Variants in GSN observed in about 807,000 individuals in gnomAD.
GSN encodes actin-depolymerizing factor.
A neutral mutation model predicts 85.7 loss-of-function variants in GSN; 56 were observed. The ratio of observed to expected loss-of-function variants is 0.65; its 90% CI spans 0.53 to 0.82. GSN has a LOEUF of 0.82. GSN is among the 40% of genes least tolerant of loss of function. The pLI, the probability that GSN is intolerant of heterozygous loss-of-function variation, is 0.00. For missense variants in GSN, 857 were observed against 979.8 expected (o/e 0.87, Z 1.67); for synonymous variants, 373 against 399.1 (o/e 0.93, Z 0.78).
chr9:121,281,566 G>C lies in GSN; in HGVS notation c.-10+4G>C. ...TCACCCTGCACAGCCTTGTTAGGTA[G>C]GTAGAGCAATACAGACACCTGTCGT... On this transcript the variant is annotated splice_donor_region_variant and intron_variant, in intron 2 of 17. Coordinates refer to ENST00000432226, the MANE Select transcript of GSN (RefSeq NM_198252.3). 1 of 465,694 alleles carries C rather than the reference G, an allele frequency of 2.1e-6. No individual in the cohort carries two copies. The highest frequency in any genetic ancestry group is 1.6e-5 in the South Asian group (1 of 63,624). The allele number at this position is 465,694 out of a possible 1,614,324, so 28.8% of individuals were successfully genotyped here. A position where few individuals can be genotyped will look rare whatever the true frequency, so the allele number is the denominator to read the frequency against.
intron 1 of GSN, among the ~76,000 whole-genome samples, chr9:121,273,229 G>T (rs555496270): frequency 1.0e-3 from 153 of 152,284 alleles, no homozygotes; most frequent in African/African-American, 3.5e-3. Context: ...AAACAGTCCT[G>T]TTATTTTCCA....
intron 5 of GSN, among the ~76,000 whole-genome samples, chr9:121,233,728 T>C (rs1331287580): frequency 6.6e-6 from 1 of 152,154 alleles, no homozygotes; most frequent in East Asian, 1.9e-4. Flanking sequence ...TTTGGAGTGG[T>C]TTGTTGTACA....
At chr9:121,254,823 C>T (rs1355808443) in intron 6 of GSN, among the ~76,000 whole-genome samples, 1 of 152,184 alleles carries the variant, frequency 6.6e-6, no homozygotes, top group Non-Finnish European at 1.5e-5. Context: ...TCTCCTTTTG[C>T]CCTGCCTGCC....
At chr9:121,245,066 G>A (rs1410179206) in intron 5 of GSN, among the ~76,000 whole-genome samples, 1 of 152,078 alleles carries the variant, frequency 6.6e-6, no homozygotes, top group Admixed American at 6.6e-5. Flanking sequence ...TAAAAATAAT[G>A]TTAAATTAAA....
chr9:121,307,295 A>C (rs1327099569), intron 4 of GSN, among the ~76,000 whole-genome samples: 2 of 152,246 alleles, frequency 1.3e-5, no homozygotes, highest in East Asian at 3.8e-4. Context: ...TTAATAACAA[A>C]AATGAAAGGC....
At chr9:121,217,457 C>T (rs1255031605) in intron 4 of GSN, among the ~76,000 whole-genome samples, 3 of 151,962 alleles carry the variant, frequency 2.0e-5, no homozygotes, top group Non-Finnish European at 2.9e-5. Flanking sequence ...GTTTGTTGTA[C>T]AGATTATTTT....
chr9:121,295,848 G>A (rs565102120), intron 2 of GSN, among the ~76,000 whole-genome samples: 12 of 152,368 alleles, frequency 7.9e-5, no homozygotes, highest in African/African-American at 2.6e-4. Context: ...CAGAAGCAGA[G>A]ACCAGGACAT....
intron 4 of GSN, among the ~76,000 whole-genome samples, chr9:121,228,197 C>T (rs533401033): frequency 6.6e-6 from 1 of 151,956 alleles, no homozygotes; most frequent in Admixed American, 6.5e-5. Flanking sequence ...TGCCTTCCTC[C>T]TCCTTCTGTC....
At chr9:121,286,952 TATC>T (rs1166439984) in intron 2 of GSN, among the ~76,000 whole-genome samples, 2 of 152,154 alleles carry the variant, frequency 1.3e-5, no homozygotes, top group Non-Finnish European at 2.9e-5. Flanking sequence ...ATAAAGTACT[TATC>T]ATCACAATGG....
At chr9:121,254,692 G>A (rs1413704239) in intron 6 of GSN, among the ~76,000 whole-genome samples, 4 of 152,078 alleles carry the variant, frequency 2.6e-5, no homozygotes, top group Admixed American at 1.3e-4. Context: ...ATGAGCACAC[G>A]TAGCAATATG....
At chr9:121,330,559 A>G (rs1206909271) in intron 16 of GSN, among the ~76,000 whole-genome samples, 1 of 152,216 alleles carries the variant, frequency 6.6e-6, no homozygotes, top group African/African-American at 2.4e-5. Context: ...TGGGTGACAG[A>G]GTGAGACTCC....
In GSN at chr9:121,299,503, A is replaced by G. The variant is rs73660433; in HGVS notation, c.-9-2460A>G. On this transcript the variant is annotated intron_variant, in intron 2 of 17. Coordinates refer to ENST00000432226, the MANE Select transcript of GSN (RefSeq NM_198252.3). This position sits in a 1 kb window ranked among gnomAD's most constrained non-coding sequence, Gnocchi z 4.2. ...CTTTCAAAAATTGTTAGTTCATGTT[A>G]TTTTTTTGCTGGAGGTGTTAGGTGC... 493 of 982,992 alleles carry G rather than the reference A, an allele frequency of 5.0e-4. 1 individual carries two copies. In the African/African-American group the frequency reaches 8.2e-3, roughly 16 times the overall value. The allele number at this position is 982,992 out of a possible 1,614,324, so 60.9% of individuals were successfully genotyped here. A position where few individuals can be genotyped will look rare whatever the true frequency, so the allele number is the denominator to read the frequency against.
intron 4 of GSN, among the ~76,000 whole-genome samples, chr9:121,219,837 C>T (rs2054134169): frequency 6.6e-6 from 1 of 152,034 alleles, no homozygotes; most frequent in South Asian, 2.1e-4. Flanking sequence ...GGTTGCATGA[C>T]TGTCTCTCTC....
chr9:121,266,014 AATC>A (rs2055190824), upstream of GSN, among the ~76,000 whole-genome samples: 2 of 152,152 alleles, frequency 1.3e-5, no homozygotes, highest in South Asian at 2.1e-4. Context: ...ATCATCAATC[AATC>A]ATCATCATCA....
Position 121,318,693 on chromosome 9 carries a change from C to A in GSN, c.1004C>A (p.Thr335Asn). ...QVSVLPEGGE[T>N]PLFKQFFKNW... ...TCGGTCCTTCCTGAGGGCGGTGAGACCCCACTGTTCAAGCAGTTCTTCAAG... is the reference window on the plus strand; with the variant it reads ...TCGGTCCTTCCTGAGGGCGGTGAGAACCCACTGTTCAAGCAGTTCTTCAAG... Residue 335 changes from threonine to asparagine, a missense_variant, in exon 10 of 18, where the codon ACC becomes AAC. Coordinates refer to ENST00000432226, the MANE Select transcript of GSN (RefSeq NM_198252.3). The surrounding 1 kb of genome is among the most constrained non-coding windows in gnomAD (Gnocchi z 4.3). The A allele has an allele frequency of 1.9e-6, 3 of 1,613,592 alleles. No homozygotes were observed. Among genetic ancestry groups the A allele is most frequent in the Admixed American group, 1.7e-5 (1 of 60,028 alleles).
At chr9:121,290,921 C>T (rs565093949) in intron 2 of GSN, among the ~76,000 whole-genome samples, 1 of 152,120 alleles carries the variant, frequency 6.6e-6, no homozygotes, top group Non-Finnish European at 1.5e-5. Context: ...AAGTGATCCT[C>T]CCTCCTCAGC....
chr9:121,228,403 CATATAT>C (rs748245559), intron 4 of GSN, among the ~76,000 whole-genome samples: 10 of 63,198 alleles, frequency 1.6e-4, no homozygotes, highest in South Asian at 4.4e-4. Flanking sequence ...CATTGATTAA[CATATAT>C]ATATATATAT....
At chr9:121,331,350 A>G in intron 16 of GSN, 38 bp from the exon 17 acceptor site, 1 of 1,369,940 alleles carries the variant, frequency 7.3e-7, no homozygotes, top group Non-Finnish European at 1.0e-6. Flanking sequence ...TTTGATCAGC[A>G]CTCCTCATGT....
At chr9:121,330,564 G>C (rs566121755) in intron 16 of GSN, among the ~76,000 whole-genome samples, 4 of 152,274 alleles carry the variant, frequency 2.6e-5, no homozygotes, top group African/African-American at 7.2e-5. Context: ...GACAGAGTGA[G>C]ACTCCGTCTC....
Sources: gnomAD v4.1 joint callset for allele counts (sites outside exome capture counted in the v4.1 genomes callset) on GRCh38, gnomAD v4.1.1 for gene constraint, Gnocchi (gnomAD v3.1) non-coding constraint, MANE v1.5 for transcripts, NCBI Gene and HGNC (gene_info 2026-07-23, HGNC 2026-07-21) for gene names.